Variants in SMYD3 observed in about 807,000 individuals in gnomAD.
SMYD3 encodes the protein histone-lysine N-methyltransferase SMYD3.
SMYD3 carries 36 observed loss-of-function variants against 57.7 expected under a neutral mutation model. The observed-to-expected ratio is 0.62, with a 90% CI of 0.48 to 0.82. The LOEUF is 0.82. Among genes scored for constraint, SMYD3 ranks in the 40% least tolerant of loss-of-function variants. The pLI, the probability that SMYD3 is intolerant of heterozygous loss-of-function variation, is 0.00. For missense variants in SMYD3, 515 were observed against 538.8 expected (o/e 0.96, Z 0.44); for synonymous variants, 211 against 195.0 (o/e 1.08, Z -0.68).
At chr1:245,792,826 C>A (rs549058111) in intron 10 of SMYD3, among the ~76,000 whole-genome samples, 1 of 152,080 alleles carries the variant, frequency 6.6e-6, no homozygotes, top group South Asian at 2.1e-4. Flanking sequence ...TCAAAGACAA[C>A]GAAGTCTCCT....
At chr1:245,897,498 T>A (rs2148604474) in intron 8 of SMYD3, among the ~76,000 whole-genome samples, 1 of 152,356 alleles carries the variant, frequency 6.6e-6, no homozygotes, top group African/African-American at 2.4e-5. Context: ...ACTGCTTTCC[T>A]CCATAGAGAC....
At chr1:246,373,292 A>G (rs1307518768) in intron 1 of SMYD3, among the ~76,000 whole-genome samples, 1 of 152,216 alleles carries the variant, frequency 6.6e-6, no homozygotes, top group Admixed American at 6.5e-5. Flanking sequence ...TAACAGCCTT[A>G]AATTGTGTCT....
chr1:245,850,469 A>C (rs2050908205), intron 10 of SMYD3, among the ~76,000 whole-genome samples: 2 of 152,276 alleles, frequency 1.3e-5, no homozygotes, highest in Admixed American at 6.5e-5. Flanking sequence ...AGGTGCGAGG[A>C]TCACTTGGGC....
intron 10 of SMYD3, 95 bp downstream of exon 10, chr1:245,858,401 T>C (rs1485419714): frequency 8.7e-6 from 11 of 1,271,142 alleles, no homozygotes; most frequent in East Asian, 7.6e-5. Context: ...AAATGCTCCA[T>C]GCAAAGTAGT....
At chr1:246,114,791 C>A (rs1436406400) in intron 5 of SMYD3, among the ~76,000 whole-genome samples, 1 of 152,154 alleles carries the variant, frequency 6.6e-6, no homozygotes, top group African/African-American at 2.4e-5. Flanking sequence ...GCCACCACGC[C>A]CGGCTCATTT....
intron 1 of SMYD3, among the ~76,000 whole-genome samples, chr1:246,359,879 C>A (rs1298189321): frequency 6.6e-6 from 1 of 152,146 alleles, no homozygotes; most frequent in African/African-American, 2.4e-5. Context: ...AAGTTGAAAT[C>A]ATTCCCCCTG....
chr1:246,379,151 A>C lies in SMYD3; in HGVS notation c.165-24057T>G, dbSNP rs1427396745. ...ACTTCTGTCCCTCTGGAGAACCCTA[A>C]CTAATACAACCATTTAGCAACTGTG... is the stretch of plus-strand genomic sequence containing the variant. On this transcript the variant is annotated intron_variant, in intron 1 of 11. Coordinates refer to ENST00000490107, the MANE Select transcript of SMYD3 (RefSeq NM_001167740.2). 2.7e-5 allele frequency among the ~76,000 whole-genome samples: 4 copies of C among 149,380 alleles called. No individual in the cohort carries two copies. In the South Asian group the frequency reaches 8.4e-4, roughly 31 times the overall value.
intron 5 of SMYD3, among the ~76,000 whole-genome samples, chr1:246,179,559 T>C (rs979147556): frequency 1.3e-5 from 2 of 152,216 alleles, no homozygotes; most frequent in Admixed American, 6.5e-5. Context: ...AGCTGATTTA[T>C]TCGGATTCAC....
At chr1:246,295,495 T>G (rs2064776038) in intron 5 of SMYD3, among the ~76,000 whole-genome samples, 1 of 152,200 alleles carries the variant, frequency 6.6e-6, no homozygotes, top group East Asian at 1.9e-4. Flanking sequence ...TAAGTTTTGA[T>G]TTAACAAGAA....
chr1:246,449,135 G>C (rs149694149), intron 1 of SMYD3, among the ~76,000 whole-genome samples: 105 of 152,264 alleles, frequency 6.9e-4, no homozygotes, highest in African/African-American at 2.5e-3. Flanking sequence ...GGGGGACTGA[G>C]ATGGGAGAGT....
intron 5 of SMYD3, among the ~76,000 whole-genome samples, chr1:246,037,686 C>T (rs745690736): frequency 6.6e-6 from 1 of 152,210 alleles, no homozygotes; most frequent in Non-Finnish European, 1.5e-5. Context: ...AATGTCATTC[C>T]CTTTTTGTCC....
At chr1:246,231,568 A>T (rs1001452276) in intron 5 of SMYD3, among the ~76,000 whole-genome samples, 1 of 152,250 alleles carries the variant, frequency 6.6e-6, no homozygotes, top group African/African-American at 2.4e-5. Context: ...GACACACAGA[A>T]AAAAGAAGTT....
chr1:245,949,698 A>G (rs1238879154), intron 5 of SMYD3, among the ~76,000 whole-genome samples: 2 of 152,142 alleles, frequency 1.3e-5, no homozygotes, highest in Non-Finnish European at 2.9e-5. Context: ...AGTCCCAGAT[A>G]CTTGAGAGGC....
chr1:246,246,636 C>G (rs1273340587), intron 5 of SMYD3, among the ~76,000 whole-genome samples: 1 of 152,018 alleles, frequency 6.6e-6, no homozygotes, highest in Admixed American at 6.6e-5. Context: ...ATACCACCTA[C>G]TGGACACTTT....
intron 5 of SMYD3, among the ~76,000 whole-genome samples, chr1:246,274,321 C>CT (rs2064286911): frequency 6.6e-6 from 1 of 152,068 alleles, no homozygotes; most frequent in Non-Finnish European, 1.5e-5. Context: ...TGTATTCTTC[C>CT]TTTGGTTTTA....
Position 245,764,103 on chromosome 1 carries a change from T to G in SMYD3, c.1123A>C (p.Lys375Gln), listed in dbSNP as rs1170061606. 1 of 1,614,020 alleles carries G rather than the reference T, an allele frequency of 6.2e-7. No individual in the cohort carries two copies. Among genetic ancestry groups the G allele is most frequent in the Non-Finnish European group, 8.5e-7 (1 of 1,180,020 alleles). ...TGATGTAGCTGCAGTTTGCCAACTT[T>G]CATCACTTGAACCCCTCTGACGGGA... is the stretch of plus-strand genomic sequence containing the variant. ...SHPVRGVQVMKVGKLQLHQGM... is the reference protein window; with the variant it reads ...SHPVRGVQVMQVGKLQLHQGM... The change falls in exon 11 of 12, where the codon AAA becomes CAA. Residue 375 changes from lysine (K) to glutamine (Q), a missense_variant. Transcript: ENST00000490107.
intron 5 of SMYD3, among the ~76,000 whole-genome samples, chr1:246,023,267 G>A (rs563938793): frequency 3.8e-4 from 58 of 152,306 alleles, no homozygotes; most frequent in African/African-American, 9.4e-4. Flanking sequence ...TGAAGGCACC[G>A]AGGGAGAGCT....
intron 5 of SMYD3, among the ~76,000 whole-genome samples, chr1:246,258,019 A>G (rs911288150): frequency 7.3e-5 from 11 of 151,402 alleles, no homozygotes; most frequent in African/African-American, 2.4e-4. Flanking sequence ...CTTTTCTTAT[A>G]AATTACCCAG....
Position 245,837,795 on chromosome 1 carries a change from C to T in SMYD3, c.1076+20701G>A, listed in dbSNP as rs368416137. Among the ~76,000 whole-genome samples the T allele has an allele frequency of 4.6e-5, 7 of 152,236 alleles. 1 individual carries two copies. Among genetic ancestry groups the T allele is most frequent in the South Asian group, 2.1e-4 (1 of 4,808 alleles). On this transcript the variant is annotated intron_variant, in intron 10 of 11. Coordinates refer to ENST00000490107, the MANE Select transcript of SMYD3 (RefSeq NM_001167740.2). ...CACTCAGACTATCTCCTCTAGGCAC[C>T]GCCAGCTCAGGTTTCTACTCAGAAC...
Sources: gnomAD v4.1 joint callset for allele counts (sites outside exome capture counted in the v4.1 genomes callset) on GRCh38, gnomAD v4.1.1 for gene constraint, MANE v1.5 for transcripts, NCBI Gene and HGNC (gene_info 2026-07-23, HGNC 2026-07-21) for gene names.